The following AGMO variants were observed in gnomAD, a reference collection of about 807,000 sequenced individuals.
The protein encoded by AGMO is glyceryl-ether monooxygenase.
Under a neutral mutation model 60.2 loss-of-function variants are expected in AGMO, and 75 were observed. That is an observed-to-expected ratio of 1.25 (90% CI 1.03 to 1.51). The LOEUF (loss-of-function observed/expected upper bound fraction) is 1.51, where lower values mean the gene tolerates loss of function less well. AGMO is among the 40% of genes most tolerant of loss of function. The pLI is 0.00. For missense variants in AGMO, 763 were observed against 525.5 expected, an observed-to-expected ratio of 1.45 and a Z score of -4.42; for synonymous variants, 261 against 177.1, an observed-to-expected ratio of 1.47 and a Z score of -3.76.
At chr7:15,190,664 T>C in the AGMO span, among the ~76,000 whole-genome samples, 1 of 152,194 alleles carries the variant, frequency 6.6e-6, no homozygotes, top group East Asian at 1.9e-4. Context: ...GAACATACTA[T>C]GAAATAAAAC....
intron 12 of AGMO, among the ~76,000 whole-genome samples, chr7:15,263,717 G>A (rs908058088): frequency 2.0e-5 from 3 of 152,026 alleles, no homozygotes; most frequent in South Asian, 4.1e-4. Flanking sequence ...GTATACCATG[G>A]AACACTACTC....
intron 12 of AGMO, among the ~76,000 whole-genome samples, chr7:15,232,826 C>CACACACACACAA (rs930600939): frequency 2.7e-5 from 4 of 148,180 alleles, no homozygotes; most frequent in Non-Finnish European, 4.5e-5. Context: ...CACACACACA[C>CACACACACACAA]AAAAACTAAA....
intron 3 of AGMO, among the ~76,000 whole-genome samples, chr7:15,531,522 TTCTATATATATTC>T (rs1784354941): frequency 4.2e-5 from 2 of 47,134 alleles, no homozygotes; most frequent in African/African-American, 1.4e-4. Context: ...TCTATATATA[TTCTATATATATTC>T]TCTATATATA....
intron 12 of AGMO, among the ~76,000 whole-genome samples, chr7:15,231,110 G>A (rs1383431790): frequency 6.6e-6 from 1 of 152,138 alleles, no homozygotes; most frequent in East Asian, 1.9e-4. Flanking sequence ...AGCTTCATCA[G>A]AAGAGTTTTC....
rs556623741 is a variant in AGMO at position 15,288,892 on chromosome 7, G to C, written c.1263+76622C>G. Among the ~76,000 whole-genome samples the C allele has an allele frequency of 1.7e-3, 250 of 150,786 alleles. 1 individual carries two copies. The highest frequency in any genetic ancestry group is 0.01 in the Middle Eastern group (3 of 290). On this transcript the variant is annotated intron_variant, in intron 12 of 12. Coordinates refer to ENST00000342526, the MANE Select transcript of AGMO (RefSeq NM_001004320.2). ...ATATATACACTCTTATCTCTTTAAA[G>C]CTTCCGTAAGTTTTGGCAAACATCA...
intron 3 of AGMO, among the ~76,000 whole-genome samples, chr7:15,470,046 C>G (rs903131039): frequency 6.6e-6 from 1 of 151,922 alleles, no homozygotes; most frequent in African/African-American, 2.4e-5. Context: ...TTCCACTCCA[C>G]TTTTTAAGGC....
At chr7:15,554,578 C>G (rs1785072479) in intron 2 of AGMO, among the ~76,000 whole-genome samples, 2 of 152,024 alleles carry the variant, frequency 1.3e-5, no homozygotes, top group Admixed American at 1.3e-4. Flanking sequence ...TGAAAAGTAG[C>G]TTACTTCTCT....
chr7:15,310,799 A>G (rs1423948738), intron 12 of AGMO, among the ~76,000 whole-genome samples: 1 of 152,140 alleles, frequency 6.6e-6, no homozygotes, highest in Non-Finnish European at 1.5e-5. Context: ...TTCGAAAATC[A>G]AGGTGTTGGC....
chr7:15,496,189 T>G (rs560374841), intron 3 of AGMO, among the ~76,000 whole-genome samples: 1 of 152,196 alleles, frequency 6.6e-6, no homozygotes, highest in East Asian at 1.9e-4. Context: ...ATGATCACCT[T>G]ACCAACTTGA....
intron 3 of AGMO, among the ~76,000 whole-genome samples, chr7:15,530,349 G>A (rs183227569): frequency 9.8e-6 from 1 of 101,750 alleles, no homozygotes; most frequent in Non-Finnish European, 1.9e-5. Context: ...TTCTATATAC[G>A]TATTTCTATA....
At chr7:15,187,449 T>C in the AGMO span, among the ~76,000 whole-genome samples, 2 of 152,240 alleles carry the variant, frequency 1.3e-5, no homozygotes, top group Non-Finnish European at 2.9e-5. Context: ...TTGGATGACA[T>C]CTTGGGCAGC....
At chr7:15,254,982 T>A (rs1340246119) in intron 12 of AGMO, among the ~76,000 whole-genome samples, 1 of 152,000 alleles carries the variant, frequency 6.6e-6, no homozygotes, top group South Asian at 2.1e-4. Context: ...AAAGTGTCAA[T>A]CAAAGAAAAG....
intron 5 of AGMO, among the ~76,000 whole-genome samples, chr7:15,399,536 AT>A (rs1291958296): frequency 6.6e-6 from 1 of 152,186 alleles, no homozygotes; most frequent in East Asian, 1.9e-4. Flanking sequence ...TTCTTAAGCT[AT>A]TTTATTTGTA....
At chr7:15,474,898 C>T (rs1259471136) in intron 3 of AGMO, among the ~76,000 whole-genome samples, 3 of 151,964 alleles carry the variant, frequency 2.0e-5, no homozygotes, top group Non-Finnish European at 2.9e-5. Flanking sequence ...TGGACAGACA[C>T]GTCTCAAAAG....
the AGMO span, among the ~76,000 whole-genome samples, chr7:15,175,382 A>C: frequency 6.6e-6 from 1 of 151,978 alleles, no homozygotes; most frequent in Non-Finnish European, 1.5e-5. Context: ...TCTGACAAAG[A>C]AGAGTAGTTT....
At chr7:15,136,199 G>A in the AGMO span, among the ~76,000 whole-genome samples, 1 of 151,816 alleles carries the variant, frequency 6.6e-6, no homozygotes, top group Non-Finnish European at 1.5e-5. Context: ...CTCCATGTTG[G>A]TCAGGCTGGT....
intron 12 of AGMO, among the ~76,000 whole-genome samples, chr7:15,332,399 A>G (rs1444126056): frequency 6.6e-6 from 1 of 152,170 alleles, no homozygotes. Flanking sequence ...TCTCGTCTGG[A>G]AACTTCATGG....
the AGMO span, among the ~76,000 whole-genome samples, chr7:15,117,334 T>A: frequency 6.6e-6 from 1 of 151,994 alleles, no homozygotes; most frequent in African/African-American, 2.4e-5. Context: ...ATGTAACCGA[T>A]GTAATGGATA....
Position 15,306,234 on chromosome 7 carries a change from G to C in AGMO, c.1263+59280C>G, listed in dbSNP as rs139733411. The C allele has an allele frequency of 1.5e-4, 35 of 239,204 alleles. No individual in the cohort carries two copies. In the East Asian group the frequency reaches 3.5e-3, roughly 24 times the overall value. 14.8% of individuals were successfully genotyped at this position (239,204 alleles called of 1,614,324 possible). Reference sequence around the variant, plus strand: ...TGACATTGACTTCATTAAATGCAACGTTTTGACATTTTTGAAGGTCTTTTT... The same window carrying C: ...TGACATTGACTTCATTAAATGCAACCTTTTGACATTTTTGAAGGTCTTTTT... On this transcript the variant is annotated intron_variant, in intron 12 of 12. Transcript: ENST00000342526.
Sources: gnomAD v4.1 joint callset for allele counts (sites outside exome capture counted in the v4.1 genomes callset) on GRCh38, gnomAD v4.1.1 for gene constraint, MANE v1.5 for transcripts, NCBI Gene and HGNC (gene_info 2026-07-23, HGNC 2026-07-21) for gene names.